Variants in PLAA observed in about 807,000 individuals in gnomAD.
PLAA encodes the protein phospholipase A2 activating protein, also known as phospholipase A-2-activating protein.
Under a neutral mutation model 84.1 loss-of-function variants are expected in PLAA, and 48 were observed. The ratio of observed to expected loss-of-function variants is 0.57; its 90% CI spans 0.45 to 0.73. PLAA has a LOEUF of 0.73. Among genes scored for constraint, PLAA ranks in the 30% least tolerant of loss-of-function variants. PLAA has a pLI of 0.00. For synonymous variants in PLAA, 392 were observed against 336.6 expected (o/e 1.16, Z -1.80); for missense variants, 903 against 954.7 (o/e 0.95, Z 0.71).
rs986943431 is a variant in PLAA at position 26,903,882 on chromosome 9, C to A, written c.*1629G>T. 6.6e-6 allele frequency among the ~76,000 whole-genome samples: 1 copy of A among 152,098 alleles called. No homozygotes were observed. Among genetic ancestry groups the A allele is most frequent in the Non-Finnish European group, 1.5e-5 (1 of 67,984 alleles). ...TGTTTCTTATCATTATTCAAAGGTA[C>A]CTACTTTTCCTAAATATTGCAATTA... On this transcript the variant is annotated 3_prime_UTR_variant, in exon 14 of 14. Coordinates refer to ENST00000397292, the MANE Select transcript of PLAA (RefSeq NM_001031689.3).
chr9:26,941,589 T>C (rs560945410), intron 1 of PLAA, among the ~76,000 whole-genome samples: 3 of 151,748 alleles, frequency 2.0e-5, no homozygotes, highest in Admixed American at 2.0e-4. Context: ...TCAAAACAAA[T>C]AGAGATGAGA....
In PLAA at chr9:26,905,234, T is replaced by G; in HGVS notation, c.*277A>C. On this transcript the variant is annotated 3_prime_UTR_variant, in exon 14 of 14. Transcript: ENST00000397292. ...GCCCTTGTCTTCTTAGTGGCTAAGG[T>G]AAGGGGAAGATGTCATTGTCATTGT... The G allele has an allele frequency of 2.7e-6, 1 of 366,632 alleles. No homozygotes were observed. The highest frequency in any genetic ancestry group is 5.0e-6 in the Non-Finnish European group (1 of 201,940). The allele number at this position is 366,632 out of a possible 1,614,324, so 22.7% of individuals were successfully genotyped here.
chr9:26,926,016 C>G, intron 5 of PLAA, 56 bp from the exon 6 acceptor site: 1 of 1,397,192 alleles, frequency 7.2e-7, no homozygotes. Context: ...TACATTTATA[C>G]ATACCATCTT....
At position 26,947,148 on chromosome 9, in the gene PLAA, T is replaced by A; in HGVS notation, c.-103A>T. 7.6e-7 allele frequency: 1 copy of A among 1,321,848 alleles called. No individual in the cohort carries two copies. Among genetic ancestry groups the A allele is most frequent in the Non-Finnish European group, 9.9e-7 (1 of 1,014,068 alleles). The allele number at this position is 1,321,848 out of a possible 1,614,324, so 81.9% of individuals were successfully genotyped here. A position where few individuals can be genotyped will look rare whatever the true frequency, so the allele number is the denominator to read the frequency against. The stretch of plus-strand genomic sequence containing the variant: ...CCGCGGCGGGAGAAGAGCCTGCAGG[T>A]AAGGGGCGGCCGGAGACCGGAAGAG... On this transcript the variant is annotated 5_prime_UTR_variant, in exon 1 of 14. Coordinates refer to ENST00000397292, the MANE Select transcript of PLAA (RefSeq NM_001031689.3).
Position 26,947,040 on chromosome 9 carries a change from C to A in PLAA, c.6G>T (p.Thr2=). 6.3e-7 allele frequency: 1 copy of A among 1,581,328 alleles called. No individual in the cohort carries two copies. Among genetic ancestry groups the A allele is most frequent in the Non-Finnish European group, 8.6e-7 (1 of 1,164,374 alleles). ...TCAGCCGGTACCTGGTTGCGCCGCTCGTCATGGCCAGTGTCTGTCTGGCGC... is the reference window on the plus strand; with the variant it reads ...TCAGCCGGTACCTGGTTGCGCCGCTAGTCATGGCCAGTGTCTGTCTGGCGC... M[T]SGATRYRLSC... is the part of the protein sequence containing the mutation. The change falls in exon 1 of 14, where the codon ACG becomes ACT. Residue 2 remains threonine, a synonymous_variant. Transcript: ENST00000397292.
intron 2 of PLAA, among the ~76,000 whole-genome samples, chr9:26,930,340 A>G (rs370861973): frequency 2.1e-4 from 32 of 152,082 alleles, no homozygotes; most frequent in East Asian, 1.2e-3. Context: ...TCCTGACCTT[A>G]TGATCCGCCC....
At chr9:26,911,977 C>A (rs1167324384) in intron 11 of PLAA, among the ~76,000 whole-genome samples, 1 of 152,062 alleles carries the variant, frequency 6.6e-6, no homozygotes, top group African/African-American at 2.4e-5. Flanking sequence ...ACACACATTG[C>A]CTGCATTCTT....
At chr9:26,927,953 C>T (rs1224798816) in intron 4 of PLAA, 147 bp downstream of exon 4, 6 of 854,212 alleles carry the variant, frequency 7.0e-6, no homozygotes, top group East Asian at 2.7e-5. Flanking sequence ...TAGATATTAA[C>T]TCATCAGAAA....
At chr9:26,908,595 A>G (rs1002683747) in intron 12 of PLAA, among the ~76,000 whole-genome samples, 3 of 152,078 alleles carry the variant, frequency 2.0e-5, no homozygotes, top group Admixed American at 6.6e-5. Flanking sequence ...CCTCCCGAGT[A>G]GCTGGAACTA....
rs892944852 is a variant in PLAA, at chr9:26,903,990, T to C, written c.*1521A>G. 1.3e-5 allele frequency: 2 copies of C among 153,706 alleles called. No individual in the cohort carries two copies. Among genetic ancestry groups the C allele is most frequent in the African/African-American group, 4.8e-5 (2 of 41,448 alleles). 9.5% of individuals were successfully genotyped at this position (153,706 alleles called of 1,614,324 possible). ...AATTCCTAATTTTGCCATTTAACTT[T>C]GACATAACCACCTAAACCCAATCAA... On this transcript the variant is annotated 3_prime_UTR_variant, in exon 14 of 14. Coordinates refer to ENST00000397292, the MANE Select transcript of PLAA (RefSeq NM_001031689.3).
In PLAA at chr9:26,928,240, C is replaced by T; in HGVS notation, c.445-20G>A. The T allele has an allele frequency of 1.2e-6, 2 of 1,614,032 alleles. No homozygotes were observed. Among genetic ancestry groups the T allele is most frequent in the Non-Finnish European group, 1.7e-6 (2 of 1,179,924 alleles). On this transcript the variant is annotated intron_variant, in intron 3 of 13. Transcript: ENST00000397292. ...ATGACCCTGTGAGTAAAATGAGTAT[C>T]AATTTAAGTTGCCACAGAATCATTC...
At chr9:26,918,967 C>G (rs1824664291) in intron 9 of PLAA, among the ~76,000 whole-genome samples, 1 of 152,120 alleles carries the variant, frequency 6.6e-6, no homozygotes, top group African/African-American at 2.4e-5. Context: ...GCATGACTGA[C>G]CAATTTAGCC....
intron 2 of PLAA, among the ~76,000 whole-genome samples, chr9:26,931,847 G>C (rs186138962): frequency 6.6e-6 from 1 of 152,168 alleles, no homozygotes; most frequent in South Asian, 2.1e-4. Context: ...TTATAGACCA[G>C]CCTGGACAAC....
In PLAA at chr9:26,919,462, G is replaced by A; in HGVS notation, c.1265C>T (p.Thr422Ile). The stretch of plus-strand genomic sequence containing the variant: ...TGCAGTTAACCAAGGGTCATCACTG[G>A]TATTATATGGCAATTTATATGATGG... ...GGPSYKLPYN[T>I]SDDPWLTAYN... The change falls in exon 9 of 14, where the codon ACC (threonine) becomes ATC (isoleucine). Residue 422 changes from threonine (T) to isoleucine (I), a missense_variant. Coordinates refer to ENST00000397292, the MANE Select transcript of PLAA (RefSeq NM_001031689.3). The A allele has an allele frequency of 6.2e-7, 1 of 1,610,706 alleles. No individual in the cohort carries two copies. Among genetic ancestry groups the A allele is most frequent in the East Asian group, 2.2e-5 (1 of 44,778 alleles).
chr9:26,913,898 G>A lies in PLAA; in HGVS notation c.1536C>T (p.Ala512=), dbSNP rs370264645. ...ATGTACCTGTAAATGGATCAACTCCGGCCATGGTAGTTCCCATACTTGCAG... is the reference window on the plus strand; with the variant it reads ...ATGTACCTGTAAATGGATCAACTCCAGCCATGGTAGTTCCCATACTTGCAG... ...PGSASMGTTM[A]GVDPFTGNSA... The change falls in exon 11 of 14, where the codon GCC becomes GCT. Residue 512 remains alanine, a synonymous_variant. Coordinates refer to ENST00000397292, the MANE Select transcript of PLAA (RefSeq NM_001031689.3). 104 of 1,611,098 alleles carry A rather than the reference G, an allele frequency of 6.5e-5. No individual in the cohort carries two copies. The Middle Eastern group carries it at 1.6e-3, about 25-fold the overall frequency.
At chr9:26,911,222 G>A (rs1019190331) in intron 11 of PLAA, among the ~76,000 whole-genome samples, 6 of 151,876 alleles carry the variant, frequency 4.0e-5, no homozygotes, top group African/African-American at 2.4e-5. Context: ...GCGTAATCTC[G>A]GCTCACTGCA....
rs1208368929 is a variant in PLAA at position 26,935,037 on chromosome 9, T to C, written c.319A>G (p.Ile107Val). Residue 107 changes from isoleucine (I) to valine (V), a missense_variant, in exon 2 of 14, where the codon ATT becomes GTT. Transcript: ENST00000397292. ...CCAGTATTTTTGTGGCCTTTTAGAA[T>C]ATAAAGTGGCATTGGACTGTCCAGT... ...FSLDSPMPLY[I>V]LKGHKNTVCS... The C allele has an allele frequency of 1.9e-6, 3 of 1,599,674 alleles. No individual in the cohort carries two copies. Among genetic ancestry groups the C allele is most frequent in the Admixed American group, 1.8e-5 (1 of 56,114 alleles).
chr9:26,933,294 G>T (rs2184740), intron 2 of PLAA, among the ~76,000 whole-genome samples: 1 of 146,932 alleles, frequency 6.8e-6, no homozygotes, highest in Non-Finnish European at 1.5e-5. Flanking sequence ...AAAAAGCTGC[G>T]CATGGTGGTG....
In PLAA at chr9:26,919,405, G is replaced by A. The variant is rs1226361912; in HGVS notation, c.1322C>T (p.Pro441Leu). The A allele has an allele frequency of 1.2e-6, 2 of 1,612,378 alleles. No homozygotes were observed. The highest frequency in any genetic ancestry group is 1.7e-6 in the Non-Finnish European group (2 of 1,178,880). ...TTTAGCTACTTGATCCAGAAACATAGGATTCAAATCATTCTTCTGTAAGAA... is the reference window on the plus strand; with the variant it reads ...TTTAGCTACTTGATCCAGAAACATAAGATTCAAATCATTCTTCTGTAAGAA... Reference protein sequence around the residue: ...YNFLQKNDLNPMFLDQVAKFI... With the variant: ...YNFLQKNDLNLMFLDQVAKFI... Residue 441 changes from proline to leucine, a missense_variant, in exon 9 of 14, where the codon CCT becomes CTT. Pro to Leu is a moderately conservative substitution (Grantham distance 98). Transcript: ENST00000397292.
Sources: gnomAD v4.1 joint callset for allele counts (sites outside exome capture counted in the v4.1 genomes callset) on GRCh38, gnomAD v4.1.1 for gene constraint, MANE v1.5 for transcripts, NCBI Gene and HGNC (gene_info 2026-07-23, HGNC 2026-07-21) for gene names.